Variants in TMEM178B observed in about 807,000 individuals in gnomAD.
The protein encoded by TMEM178B is transmembrane protein 178B.
Under a neutral mutation model 31.0 loss-of-function variants are expected in TMEM178B, and 5 were observed. The ratio of observed to expected loss-of-function variants is 0.16; its 90% confidence interval spans 0.08 to 0.34. The LOEUF (loss-of-function observed/expected upper bound fraction) is 0.34, where lower values mean the gene tolerates loss of function less well. Among genes scored for constraint, TMEM178B ranks in the 10% least tolerant of loss-of-function variants. The pLI is 1.00. For missense variants in TMEM178B, 275 were observed against 400.3 expected, an observed-to-expected ratio of 0.69 and a Z score of 2.67; for synonymous variants, 164 against 164.0, an observed-to-expected ratio of 1.00 and a Z score of 0.00.
rs1222490787 is a variant in TMEM178B, at chr7:141,336,964, T to TACC, written c.497-100628_497-100626dup. Reference sequence around the variant, plus strand: ...CCACCATCACCACCACCACCATCACTACCACCACCACCACCACCCCCATCA... The same window carrying TACC: ...CCACCATCACCACCACCACCATCACTACCACCACCACCACCACCACCCCCATCA... On this transcript the variant is annotated intron_variant, in intron 2 of 3. Coordinates refer to ENST00000565468, the MANE Select transcript of TMEM178B (RefSeq NM_001195278.2). Among the ~76,000 whole-genome samples, 54 of 18,288 alleles carry TACC rather than the reference T, an allele frequency of 3.0e-3. 3 individuals are homozygous for TACC. The highest frequency in any genetic ancestry group is 4.0e-3 in the Non-Finnish European group (41 of 10,188). The allele number at this position is 18,288 out of a possible 152,430, so 12.0% of individuals were successfully genotyped here.
chr7:141,172,759 C>CT (rs141643057), intron 1 of TMEM178B, among the ~76,000 whole-genome samples: 257 of 152,322 alleles, frequency 1.7e-3, no homozygotes, highest in East Asian at 6.8e-3. Context: ...TGTAGTACTT[C>CT]TAGTCTGCTG....
At chr7:141,149,373 C>T (rs1403487603) in intron 1 of TMEM178B, among the ~76,000 whole-genome samples, 1 of 152,126 alleles carries the variant, frequency 6.6e-6, no homozygotes, top group Admixed American at 6.6e-5. Flanking sequence ...GGGAAAACCC[C>T]ATCTCTACTA....
chr7:141,349,190 C>A (rs1337532510), intron 2 of TMEM178B, among the ~76,000 whole-genome samples: 1 of 152,054 alleles, frequency 6.6e-6, no homozygotes, highest in Non-Finnish European at 1.5e-5. Context: ...TATTCTATTT[C>A]TGATTTATAT....
intron 2 of TMEM178B, among the ~76,000 whole-genome samples, chr7:141,310,060 T>C (rs1798881593): frequency 6.6e-6 from 1 of 152,036 alleles, no homozygotes; most frequent in Admixed American, 6.6e-5. Context: ...CAAAAGCAAT[T>C]GCAACAAAAG....
chr7:141,491,514 C>T, the TMEM178B span, among the ~76,000 whole-genome samples: 3 of 152,122 alleles, frequency 2.0e-5, no homozygotes, highest in Non-Finnish European at 4.4e-5. Flanking sequence ...TCCCTATGTT[C>T]ACCCTATTAT....
intron 1 of TMEM178B, among the ~76,000 whole-genome samples, chr7:141,092,317 A>T (rs1267264406): frequency 2.0e-5 from 3 of 152,172 alleles, no homozygotes; most frequent in African/African-American, 7.2e-5. Context: ...AAAGTGATAT[A>T]GATGGAAGTG....
At chr7:141,380,678 AG>A (rs1351943652) in intron 2 of TMEM178B, among the ~76,000 whole-genome samples, 1 of 152,176 alleles carries the variant, frequency 6.6e-6, no homozygotes, top group Non-Finnish European at 1.5e-5. Context: ...TGTTTTGGGG[AG>A]TATTCTGTGC....
intron 2 of TMEM178B, among the ~76,000 whole-genome samples, chr7:141,231,837 G>A (rs949390956): frequency 5.3e-5 from 8 of 152,150 alleles, no homozygotes; most frequent in Admixed American, 1.3e-4. Flanking sequence ...ACATGTGCAC[G>A]ATGTGCAGGT....
intron 3 of TMEM178B, among the ~76,000 whole-genome samples, chr7:141,454,841 T>C (rs1030266417): frequency 1.3e-5 from 2 of 152,112 alleles, no homozygotes; most frequent in African/African-American, 4.8e-5. Context: ...TGTGGTTCTT[T>C]TCTCATTAGA....
chr7:141,252,845 A>T (rs1563132351), intron 2 of TMEM178B, among the ~76,000 whole-genome samples: 3 of 152,206 alleles, frequency 2.0e-5, no homozygotes. Context: ...CCTGGGTCTC[A>T]GTCTAGGGCT....
At chr7:141,315,320 ACCATT>A (rs537465889) in intron 2 of TMEM178B, among the ~76,000 whole-genome samples, 2 of 152,120 alleles carry the variant, frequency 1.3e-5, no homozygotes, top group Non-Finnish European at 2.9e-5. Flanking sequence ...CCTAAAGTCT[ACCATT>A]TTCGGGCCAT....
intron 2 of TMEM178B, among the ~76,000 whole-genome samples, chr7:141,258,147 T>C (rs920229462): frequency 7.2e-6 from 1 of 139,852 alleles, no homozygotes; most frequent in Admixed American, 7.6e-5. Flanking sequence ...TTCTCCTTTA[T>C]GCTATTATTA....
At chr7:141,493,344 C>T in the TMEM178B span, among the ~76,000 whole-genome samples, 4 of 152,208 alleles carry the variant, frequency 2.6e-5, no homozygotes, top group African/African-American at 9.7e-5. Flanking sequence ...TGACGAAGGA[C>T]AGAGACGATG....
At chr7:141,434,576 G>A (rs533419033) in intron 2 of TMEM178B, among the ~76,000 whole-genome samples, 4 of 152,120 alleles carry the variant, frequency 2.6e-5, no homozygotes, top group Admixed American at 1.3e-4. Context: ...TGATCAAGTC[G>A]GGATATTGAG....
chr7:141,491,780 T>C, the TMEM178B span, among the ~76,000 whole-genome samples: 2 of 152,320 alleles, frequency 1.3e-5, no homozygotes, highest in South Asian at 4.1e-4. Context: ...GTTTTTTCCC[T>C]ACTAAAGAGA....
chr7:141,157,473 A>G (rs1322790351), intron 1 of TMEM178B, among the ~76,000 whole-genome samples: 1 of 151,998 alleles, frequency 6.6e-6, no homozygotes, highest in Non-Finnish European at 1.5e-5. Context: ...GCCAACCAAC[A>G]AGCAAACAAA....
In TMEM178B at chr7:141,241,011, T is replaced by G. The variant is rs368671478; in HGVS notation, c.496+28307T>G. Among the ~76,000 whole-genome samples, 7 of 125,432 alleles carry G rather than the reference T, an allele frequency of 5.6e-5. No homozygotes were observed. In the East Asian group the frequency reaches 1.7e-3, roughly 31 times the overall value. 82.3% of individuals were successfully genotyped at this position (125,432 alleles called of 152,430 possible). A position where few individuals can be genotyped will look rare whatever the true frequency, so the allele number is the denominator to read the frequency against. ...TCTGGGATCCCTTTTTTTTTTTTTT[T>G]AAATTTATTTCATAGCTTTTGGGGT... On this transcript the variant is annotated intron_variant, in intron 2 of 3. Coordinates refer to ENST00000565468, the MANE Select transcript of TMEM178B (RefSeq NM_001195278.2).
chr7:141,414,708 T>G (rs561080507), intron 2 of TMEM178B: 1 of 152,552 alleles, frequency 6.6e-6, no homozygotes, highest in South Asian at 2.1e-4. Flanking sequence ...TCTCTCCCTA[T>G]CTATACTCAC....
At chr7:141,435,185 T>C (rs894656799) in intron 2 of TMEM178B, among the ~76,000 whole-genome samples, 1 of 152,190 alleles carries the variant, frequency 6.6e-6, no homozygotes, top group Non-Finnish European at 1.5e-5. Flanking sequence ...TGGATACTCA[T>C]ATGCAGAGGA....
Sources: gnomAD v4.1 joint callset for allele counts (sites outside exome capture counted in the v4.1 genomes callset) on GRCh38, gnomAD v4.1.1 for gene constraint, MANE v1.5 for transcripts, NCBI Gene and HGNC (gene_info 2026-07-23, HGNC 2026-07-21) for gene names.